DEPTOR: variants seen among roughly 807,000 people sequenced by gnomAD.
DEPTOR encodes the protein DEP domain containing MTOR interacting protein, also known as DEP domain-containing mTOR-interacting protein.
In DEPTOR, 41 loss-of-function variants were observed where a neutral mutation model predicts 41.6. The ratio of observed to expected loss-of-function variants is 0.98; its 90% CI spans 0.77 to 1.28. The LOEUF (loss-of-function observed/expected upper bound fraction) is 1.28. Ranked by LOEUF, DEPTOR falls within the 50% of genes most tolerant of loss-of-function variation. DEPTOR has a pLI of 0.00. For missense variants in DEPTOR, 514 were observed against 527.9 expected, an observed-to-expected ratio of 0.97 and a Z score of 0.26; for synonymous variants, 195 against 192.3, an observed-to-expected ratio of 1.01 and a Z score of -0.12.
chr8:119,966,102 A>G (rs1828554900), intron 4 of DEPTOR, among the ~76,000 whole-genome samples: 1 of 152,200 alleles, frequency 6.6e-6, no homozygotes. Flanking sequence ...AACTACTTAC[A>G]GAGTGTTTAC....
At chr8:120,022,157 TAAAAA>T (rs34125548) in intron 8 of DEPTOR, among the ~76,000 whole-genome samples, 3 of 93,724 alleles carry the variant, frequency 3.2e-5, no homozygotes, top group Non-Finnish European at 4.2e-5. Flanking sequence ...GACCCCATCT[TAAAAA>T]AAAAAAAAAA....
intron 3 of DEPTOR, among the ~76,000 whole-genome samples, chr8:119,945,006 C>G (rs897882969): frequency 6.6e-6 from 1 of 151,032 alleles, no homozygotes; most frequent in African/African-American, 2.4e-5. Flanking sequence ...CACCTTGGGT[C>G]CCAGCACAGC....
chr8:119,987,347 A>G (rs934559431), intron 4 of DEPTOR, among the ~76,000 whole-genome samples: 3 of 152,268 alleles, frequency 2.0e-5, no homozygotes, highest in Admixed American at 6.5e-5. Context: ...TTGCCTGGGT[A>G]TCACCAGTGG....
chr8:119,977,839 T>C lies in DEPTOR; in HGVS notation c.604+12429T>C, dbSNP rs532934901. ...TTCTTTCTCTCTCTCTTTTTTTTAA[T>C]TTAAAGATGGGGTCTTGCTATATTG... On this transcript the variant is annotated intron_variant, in intron 4 of 8. Coordinates refer to ENST00000286234, the MANE Select transcript of DEPTOR (RefSeq NM_022783.4). Among the ~76,000 whole-genome samples, 14 of 152,220 alleles carry C rather than the reference T, an allele frequency of 9.2e-5. No individual in the cohort carries two copies. The South Asian group carries it at 2.7e-3, about 29-fold the overall frequency.
chr8:119,960,943 C>T (rs1449769809), intron 3 of DEPTOR, among the ~76,000 whole-genome samples: 1 of 151,998 alleles, frequency 6.6e-6, no homozygotes, highest in Non-Finnish European at 1.5e-5. Context: ...TGCACCATTG[C>T]ACTCCAGCCT....
chr8:119,982,373 T>A (rs796439444), intron 4 of DEPTOR, among the ~76,000 whole-genome samples: 1 of 152,310 alleles, frequency 6.6e-6, no homozygotes, highest in South Asian at 2.1e-4. Flanking sequence ...GCATAGTTTC[T>A]TACACGATAT....
At chr8:120,040,865 T>G (rs1813057026) in intron 8 of DEPTOR, among the ~76,000 whole-genome samples, 1 of 152,198 alleles carries the variant, frequency 6.6e-6, no homozygotes, top group Admixed American at 6.5e-5. Flanking sequence ...TTGATTAAGA[T>G]TTTAGTAATG....
chr8:119,956,692 T>C (rs1828420740), intron 3 of DEPTOR, among the ~76,000 whole-genome samples: 1 of 131,780 alleles, frequency 7.6e-6, no homozygotes, highest in African/African-American at 2.9e-5. Context: ...ACAGGTCTCC[T>C]TTTTTTTTTT....
intron 3 of DEPTOR, among the ~76,000 whole-genome samples, chr8:119,958,089 CA>C (rs1828442363): frequency 6.6e-6 from 1 of 152,310 alleles, no homozygotes; most frequent in African/African-American, 2.4e-5. Context: ...TCCTACAAAA[CA>C]AGTCATACTA....
chr8:119,879,749 T>G (rs1031262806), intron 1 of DEPTOR, among the ~76,000 whole-genome samples: 2 of 147,556 alleles, frequency 1.4e-5, no homozygotes, highest in African/African-American at 5.0e-5. Context: ...CGGGGACTCA[T>G]GCCTGTAACC....
chr8:119,918,055 C>T (rs895830998), intron 1 of DEPTOR, among the ~76,000 whole-genome samples: 2 of 152,210 alleles, frequency 1.3e-5, no homozygotes, highest in Non-Finnish European at 2.9e-5. Flanking sequence ...CCTGCCACAT[C>T]CCCCTCTCCG....
intron 8 of DEPTOR, among the ~76,000 whole-genome samples, chr8:120,034,443 C>T (rs1367511561): frequency 3.7e-4 from 34 of 91,548 alleles, no homozygotes; most frequent in Middle Eastern, 8.1e-3. Context: ...TTTCCTTTTT[C>T]TTTTTTTTTT....
intron 8 of DEPTOR, among the ~76,000 whole-genome samples, chr8:120,026,423 A>G (rs1413370556): frequency 6.7e-5 from 10 of 149,414 alleles, no homozygotes; most frequent in Non-Finnish European, 1.5e-4. Context: ...GCTTACTGCA[A>G]CCTCTACCTC....
At chr8:119,926,461 G>A (rs1273595954) in intron 1 of DEPTOR, among the ~76,000 whole-genome samples, 1 of 152,204 alleles carries the variant, frequency 6.6e-6, no homozygotes, top group Non-Finnish European at 1.5e-5. Context: ...GTCAGAAAAT[G>A]CAGAGTGCCC....
intron 4 of DEPTOR, among the ~76,000 whole-genome samples, chr8:119,981,755 G>T (rs1051667093): frequency 4.0e-5 from 6 of 151,898 alleles, no homozygotes; most frequent in African/African-American, 1.5e-4. Flanking sequence ...GATGGCTCAT[G>T]CCTGTAATCC....
intron 1 of DEPTOR, among the ~76,000 whole-genome samples, chr8:119,875,692 C>T (rs559194398): frequency 7.9e-4 from 120 of 152,018 alleles, no homozygotes; most frequent in Admixed American, 1.1e-3. Context: ...GAGGCTGGGA[C>T]GAGGGGTGCA....
chr8:119,981,652 CA>C (rs33975978), intron 4 of DEPTOR, among the ~76,000 whole-genome samples: 348 of 136,830 alleles, frequency 2.5e-3, no homozygotes, highest in South Asian at 0.01. Flanking sequence ...GACCCTATCT[CA>C]AAAAAAAAAA....
chr8:120,004,789 C>G (rs1295214038), intron 6 of DEPTOR, among the ~76,000 whole-genome samples: 2 of 152,078 alleles, frequency 1.3e-5, no homozygotes, highest in African/African-American at 2.4e-5. Context: ...ACAAGCTTCT[C>G]TCTCACTCTT....
intron 8 of DEPTOR, among the ~76,000 whole-genome samples, chr8:120,018,047 G>A (rs1812639148): frequency 6.9e-6 from 1 of 145,978 alleles, no homozygotes; most frequent in Admixed American, 6.6e-5. Context: ...ATTTTTCATA[G>A]CAAGGAAAAA....
Sources: gnomAD v4.1 joint callset for allele counts (sites outside exome capture counted in the v4.1 genomes callset) on GRCh38, gnomAD v4.1.1 for gene constraint, MANE v1.5 for transcripts, NCBI Gene and HGNC (gene_info 2026-07-23, HGNC 2026-07-21) for gene names.